The following COBLL1 variants were observed in gnomAD, a reference collection of about 807,000 sequenced individuals.
COBLL1 encodes cordon-bleu WH2 repeat protein like 1.
A neutral mutation model predicts 94.8 loss-of-function variants in COBLL1; 50 were observed. That is an observed-to-expected ratio of 0.53 (90% CI 0.42 to 0.67). The LOEUF (loss-of-function observed/expected upper bound fraction) is 0.67. COBLL1 is among the 30% of genes least tolerant of loss of function. The pLI is 0.00. For synonymous variants in COBLL1, 448 were observed against 473.8 expected, an observed-to-expected ratio of 0.95 and a Z score of 0.71; for missense variants, 1,362 against 1,348.7, an observed-to-expected ratio of 1.01 and a Z score of -0.15.
At chr2:164,759,848 T>TGA (rs1231213191) in intron 2 of COBLL1, among the ~76,000 whole-genome samples, 1 of 152,216 alleles carries the variant, frequency 6.6e-6, no homozygotes, top group Non-Finnish European at 1.5e-5. Flanking sequence ...ATTAAAGCTA[T>TGA]GATGATCTAC....
At chr2:164,737,648 G>T (rs1405395506) in intron 3 of COBLL1, among the ~76,000 whole-genome samples, 1 of 151,858 alleles carries the variant, frequency 6.6e-6, no homozygotes, top group Non-Finnish European at 1.5e-5. Context: ...TGTCATCACT[G>T]GACACTTCTC....
At chr2:164,782,066 C>G (rs1307521466) in intron 2 of COBLL1, among the ~76,000 whole-genome samples, 1 of 151,978 alleles carries the variant, frequency 6.6e-6, no homozygotes, top group Non-Finnish European at 1.5e-5. Context: ...CATTTTTTAT[C>G]CAGCCAACAC....
rs1332804111 is a variant in COBLL1, at chr2:164,805,321, CTCTCTCTCTCTCTCTCTATATATATA to C, written c.41+35809_41+35834del. 2.0e-4 allele frequency among the ~76,000 whole-genome samples: 7 copies of C among 35,590 alleles called. 1 individual carries two copies. The South Asian group carries it at 3.4e-3, about 17-fold the overall frequency. 23.3% of individuals were successfully genotyped at this position (35,590 alleles called of 152,430 possible). ...TCTCTCTCTCTCTCTCTCTCTCTCT[CTCTCTCTCTCTCTCTCTATATATATA>C]TATATATATATATATAAAACTAAAG... On this transcript the variant is annotated intron_variant, in intron 2 of 13. Transcript: ENST00000652658.
chr2:164,704,404 T>C (rs1210142574), intron 9 of COBLL1, 40 bp downstream of exon 9: 4 of 1,295,856 alleles, frequency 3.1e-6, no homozygotes, highest in East Asian at 2.3e-5. Context: ...ATGGACGTCC[T>C]TTTTCAGTAA....
chr2:164,756,494 A>G (rs1182008804), intron 2 of COBLL1, among the ~76,000 whole-genome samples: 2 of 152,194 alleles, frequency 1.3e-5, no homozygotes, highest in Non-Finnish European at 2.9e-5. Context: ...TAGTTAAAAA[A>G]TGGCAAAATA....
intron 1 of COBLL1, among the ~76,000 whole-genome samples, chr2:164,668,235 A>C (rs62173905): frequency 0.089 from 13,520 of 151,540 alleles, 815 homozygotes; most frequent in Non-Finnish European, 0.14. Context: ...AAGTGCTGAG[A>C]TTACACGTGT....
At chr2:164,719,762 A>T (rs1685353725) in intron 7 of COBLL1, among the ~76,000 whole-genome samples, 1 of 152,166 alleles carries the variant, frequency 6.6e-6, no homozygotes, top group African/African-American at 2.4e-5. Context: ...GAAGGGTTAG[A>T]GCTCAGACAT....
At position 164,835,065 on chromosome 2, in the gene COBLL1, A is replaced by C. The variant is rs534730570; in HGVS notation, c.41+6091T>G. Among the ~76,000 whole-genome samples the C allele has an allele frequency of 5.9e-4, 89 of 152,120 alleles. 1 individual carries two copies. Among genetic ancestry groups the C allele is most frequent in the Middle Eastern group, 6.8e-3 (2 of 294 alleles). Reference sequence around the variant, plus strand: ...GTAAAATGGTACAACCACTGTAAAAAAAAACAAAACAAAAAAAGAACAAAC... The same window carrying C: ...GTAAAATGGTACAACCACTGTAAAACAAAACAAAACAAAAAAAGAACAAAC... On this transcript the variant is annotated intron_variant, in intron 2 of 13. Transcript: ENST00000652658.
intron 2 of COBLL1, among the ~76,000 whole-genome samples, chr2:164,772,920 G>T (rs530760938): frequency 2.0e-5 from 3 of 152,032 alleles, no homozygotes; most frequent in African/African-American, 7.2e-5. Context: ...ATATGTAATC[G>T]TGTACCAGCC....
chr2:164,678,389 C>A (rs573022593), downstream of COBLL1, among the ~76,000 whole-genome samples: 1 of 152,098 alleles, frequency 6.6e-6, no homozygotes, highest in African/African-American at 2.4e-5. Flanking sequence ...AAAAATTTGA[C>A]TATTCATATA....
intron 3 of COBLL1, among the ~76,000 whole-genome samples, chr2:164,732,736 G>T (rs972694770): frequency 4.0e-5 from 6 of 151,898 alleles, no homozygotes; most frequent in African/African-American, 2.4e-5. Flanking sequence ...CAGTTTTTTT[G>T]AATCTTTGCC....
chr2:164,836,783 G>T (rs1302719422), intron 2 of COBLL1, among the ~76,000 whole-genome samples: 1 of 152,138 alleles, frequency 6.6e-6, no homozygotes, highest in Non-Finnish European at 1.5e-5. Flanking sequence ...GTCAGCTATT[G>T]ATATCTACTT....
At chr2:164,819,928 C>A (rs1416433920) in intron 2 of COBLL1, among the ~76,000 whole-genome samples, 8 of 150,208 alleles carry the variant, frequency 5.3e-5, no homozygotes, top group African/African-American at 2.0e-4. Context: ...TGGGTTCAAG[C>A]AATTCTCGTG....
At chr2:164,764,156 T>A (rs918484824) in intron 2 of COBLL1, among the ~76,000 whole-genome samples, 5 of 152,194 alleles carry the variant, frequency 3.3e-5, no homozygotes, top group African/African-American at 1.2e-4. Flanking sequence ...CCTTGGCCTC[T>A]CAAAGTGTTG....
At chr2:164,742,177 T>C (rs1216587738) in intron 3 of COBLL1, among the ~76,000 whole-genome samples, 1 of 151,936 alleles carries the variant, frequency 6.6e-6, no homozygotes. Context: ...TTAAAGTCAC[T>C]GAGGTTTAAA....
At chr2:164,751,170 G>A (rs1410790448) in intron 2 of COBLL1, among the ~76,000 whole-genome samples, 1 of 151,956 alleles carries the variant, frequency 6.6e-6, no homozygotes, top group African/African-American at 2.4e-5. Flanking sequence ...AGGTACCAAG[G>A]CACACCCCAC....
In COBLL1 at chr2:164,722,272, G is replaced by A. The variant is rs73013687; in HGVS notation, c.799C>T (p.Arg267Cys). ...APATPLVNKHRPTFTRSNTIS... is the reference protein window; with the variant it reads ...APATPLVNKHCPTFTRSNTIS... ...GTATTGGACCTTGTAAAAGTTGGGCGGTGCTTATTTACTAGAGGGGTTGCA... is the reference window on the plus strand; with the variant it reads ...GTATTGGACCTTGTAAAAGTTGGGCAGTGCTTATTTACTAGAGGGGTTGCA... Residue 267 changes from arginine to cysteine, a missense_variant, in exon 7 of 14, where the codon CGC becomes TGC. Arg to Cys is a radical substitution (Grantham distance 180, BLOSUM62 -3). Coordinates refer to ENST00000652658, the MANE Select transcript of COBLL1 (RefSeq NM_001365672.2). The A allele has an allele frequency of 6.8e-6, 11 of 1,613,678 alleles. No individual in the cohort carries two copies. Among genetic ancestry groups the A allele is most frequent in the Middle Eastern group, 1.6e-4 (1 of 6,082 alleles).
chr2:164,669,180 G>T (rs1691210264), intron 1 of COBLL1, among the ~76,000 whole-genome samples: 1 of 152,096 alleles, frequency 6.6e-6, no homozygotes, highest in African/African-American at 2.4e-5. Context: ...GAGAGCATAG[G>T]ATTTTTAACT....
At chr2:164,817,361 T>TAAAAAAAAAAAAAA (rs10599487) in intron 2 of COBLL1, among the ~76,000 whole-genome samples, 2 of 116,458 alleles carry the variant, frequency 1.7e-5, no homozygotes, top group Non-Finnish European at 3.6e-5. Context: ...TGGTATATAT[T>TAAAAAAAAAAAAAA]AAAAAAAAAA....
Sources: gnomAD v4.1 joint callset for allele counts (sites outside exome capture counted in the v4.1 genomes callset) on GRCh38, gnomAD v4.1.1 for gene constraint, MANE v1.5 for transcripts, NCBI Gene and HGNC (gene_info 2026-07-23, HGNC 2026-07-21) for gene names.